The following XXYLT1 variants were observed in gnomAD, a reference collection of about 807,000 sequenced individuals.
XXYLT1 encodes UDP-xylose:alpha-xyloside alpha-1,3-xylosyltransferase.
A neutral mutation model predicts 28.9 loss-of-function variants in XXYLT1; 20 were observed. That is an observed-to-expected ratio of 0.69 (90% CI 0.49 to 1.00). The LOEUF (loss-of-function observed/expected upper bound fraction) is 1.00. XXYLT1 is among the 50% of genes least tolerant of loss of function. The pLI, the probability that XXYLT1 is intolerant of heterozygous loss-of-function variation, is 0.00. For synonymous variants in XXYLT1, 257 were observed against 253.8 expected (o/e 1.01, Z -0.12); for missense variants, 542 against 560.1 (o/e 0.97, Z 0.33).
chr3:195,257,450 C>T lies in XXYLT1; in HGVS notation c.504+13105G>A, dbSNP rs191875590. Among the ~76,000 whole-genome samples the T allele has an allele frequency of 1.9e-3, 296 of 152,302 alleles. 8 individuals are homozygous for T. Among genetic ancestry groups the T allele is most frequent in the Admixed American group, 0.017 (259 of 15,294 alleles). On this transcript the variant is annotated intron_variant, in intron 1 of 3. Coordinates refer to ENST00000310380, the MANE Select transcript of XXYLT1 (RefSeq NM_152531.5). The surrounding 1 kb of genome is among the most constrained non-coding windows in gnomAD (Gnocchi z 4.3). ...AGGTAGGTCCCCACATAACTGGCAC[C>T]GTCCGAGCTTCATCATGAAAGGCGA...
chr3:195,102,759 C>T (rs191608633), intron 3 of XXYLT1, among the ~76,000 whole-genome samples: 36 of 152,268 alleles, frequency 2.4e-4, no homozygotes, highest in Non-Finnish European at 2.9e-4. Context: ...CTGTGAATAA[C>T]GTTGCCGTGA....
intron 1 of XXYLT1, among the ~76,000 whole-genome samples, chr3:195,251,144 C>T (rs750467271): frequency 1.7e-4 from 26 of 152,226 alleles, no homozygotes; most frequent in Non-Finnish European, 2.8e-4. Context: ...AAGTCATCCT[C>T]GCACGAGGCC....
At chr3:195,235,968 G>C (rs181945919) in intron 1 of XXYLT1, among the ~76,000 whole-genome samples, 55 of 150,226 alleles carry the variant, frequency 3.7e-4, no homozygotes, top group African/African-American at 1.1e-3. Context: ...ATATACACCT[G>C]GCTGGGCTGC....
chr3:195,099,135 C>T (rs1016949717), intron 3 of XXYLT1, among the ~76,000 whole-genome samples: 2 of 152,222 alleles, frequency 1.3e-5, no homozygotes, highest in African/African-American at 4.8e-5. Context: ...ACAGACACCG[C>T]GTTCTCAAAC....
At chr3:195,162,854 G>A (rs1720938880) in intron 2 of XXYLT1, among the ~76,000 whole-genome samples, 1 of 152,166 alleles carries the variant, frequency 6.6e-6, no homozygotes, top group Non-Finnish European at 1.5e-5. Context: ...GATGGCTTAC[G>A]CACGGATTGA....
chr3:195,167,902 A>T (rs1263569636), intron 2 of XXYLT1, among the ~76,000 whole-genome samples: 1 of 152,054 alleles, frequency 6.6e-6, no homozygotes, highest in Non-Finnish European at 1.5e-5. Context: ...GGCAGCAATG[A>T]CCCGCTTAGA....
intron 3 of XXYLT1, among the ~76,000 whole-genome samples, chr3:195,109,292 T>C (rs1290186012): frequency 6.6e-6 from 1 of 152,130 alleles, no homozygotes; most frequent in East Asian, 1.9e-4. Flanking sequence ...AGGCACACTC[T>C]CGAGAAGGCG....
At chr3:195,178,980 C>T (rs934424573) in intron 2 of XXYLT1, among the ~76,000 whole-genome samples, 31 of 152,204 alleles carry the variant, frequency 2.0e-4, no homozygotes, top group African/African-American at 7.0e-4. Context: ...AGCTCCCTGT[C>T]CCTGGGCCTT....
At chr3:195,189,773 G>A (rs1424914449) in intron 2 of XXYLT1, among the ~76,000 whole-genome samples, 1 of 151,932 alleles carries the variant, frequency 6.6e-6, no homozygotes, top group African/African-American at 2.4e-5. Context: ...AGACAAAATA[G>A]GTGAAAAAAA....
chr3:195,134,861 GT>G (rs1719096836), intron 3 of XXYLT1, among the ~76,000 whole-genome samples: 1 of 111,274 alleles, frequency 9.0e-6, no homozygotes, highest in Non-Finnish European at 1.9e-5. Flanking sequence ...GTGTGTGTGT[GT>G]GTGTGTGCGT....
intron 2 of XXYLT1, among the ~76,000 whole-genome samples, chr3:195,161,634 ATTTT>A (rs35541699): frequency 2.2e-5 from 3 of 138,850 alleles, no homozygotes; most frequent in African/African-American, 5.4e-5. Flanking sequence ...AGATATATAG[ATTTT>A]TTTTTTTTTT....
intron 2 of XXYLT1, among the ~76,000 whole-genome samples, chr3:195,222,555 T>C (rs1293431747): frequency 1.3e-5 from 2 of 152,144 alleles, no homozygotes; most frequent in Non-Finnish European, 2.9e-5. Flanking sequence ...TAGGGAAGAA[T>C]CCTAATGAGA....
At position 195,191,833 on chromosome 3, in the gene XXYLT1, G is replaced by A. The variant is rs114755187; in HGVS notation, c.652+34876C>T. ...AGATTTAAGAATTACATATGCATAC[G>A]CACCTAAAAATAGACCTCCCAAATC... On this transcript the variant is annotated intron_variant, in intron 2 of 3. Coordinates refer to ENST00000310380, the MANE Select transcript of XXYLT1 (RefSeq NM_152531.5). Among the ~76,000 whole-genome samples, 481 of 152,230 alleles carry A rather than the reference G, an allele frequency of 3.2e-3. 3 individuals carry two copies. Among genetic ancestry groups the A allele is most frequent in the African/African-American group, 0.011 (444 of 41,538 alleles).
chr3:195,156,427 CCCCCCT>C lies in XXYLT1; in HGVS notation c.785+16_785+21del, dbSNP rs1245729398. On this transcript the variant is annotated intron_variant, in intron 3 of 3. Coordinates refer to ENST00000310380, the MANE Select transcript of XXYLT1 (RefSeq NM_152531.5). ...GGGTGGGGAGGGGTCGTGGAGGCGG[CCCCCCT>C]GCAGTCATGACGCACCTGTAAACTG... is the stretch of plus-strand genomic sequence containing the variant. 2.5e-6 allele frequency: 4 copies of C among 1,607,992 alleles called. No homozygotes were observed. Among genetic ancestry groups the C allele is most frequent in the Non-Finnish European group, 3.4e-6 (4 of 1,177,482 alleles).
intron 2 of XXYLT1, among the ~76,000 whole-genome samples, chr3:195,201,627 C>T (rs1722852755): frequency 6.6e-6 from 1 of 152,206 alleles, no homozygotes; most frequent in African/African-American, 2.4e-5. Context: ...AGTGGCTTTT[C>T]ACGCTTTTGG....
Position 195,193,638 on chromosome 3 carries a change from A to G in XXYLT1, c.652+33071T>C, listed in dbSNP as rs2108754856. On this transcript the variant is annotated intron_variant, in intron 2 of 3. Coordinates refer to ENST00000310380, the MANE Select transcript of XXYLT1 (RefSeq NM_152531.5). ...ATTCACACTACTTGATCTTAAAAAT[A>G]ACTACAAAGCCACAGAAATCCAGAC... Among the ~76,000 whole-genome samples, 2 of 152,340 alleles carry G rather than the reference A, an allele frequency of 1.3e-5. 1 individual carries two copies. The highest frequency in any genetic ancestry group is 1.3e-4 in the Admixed American group (2 of 15,308).
intron 2 of XXYLT1, among the ~76,000 whole-genome samples, chr3:195,174,871 C>T (rs77177498): frequency 0.08 from 12,196 of 152,012 alleles, 732 homozygotes; most frequent in East Asian, 0.27. Flanking sequence ...TCCTTGGCCT[C>T]CTGAGAAGCT....
At chr3:195,241,919 C>T (rs1316722386) in intron 1 of XXYLT1, among the ~76,000 whole-genome samples, 1 of 152,196 alleles carries the variant, frequency 6.6e-6, no homozygotes, top group African/African-American at 2.4e-5. Flanking sequence ...TAATACTTAT[C>T]ACCAGACATG....
rs1218152489 is a variant in XXYLT1 at position 195,256,025 on chromosome 3, A to G, written c.504+14530T>C. On this transcript the variant is annotated intron_variant, in intron 1 of 3. Transcript: ENST00000310380. The surrounding 1 kb of genome is among the most constrained non-coding windows in gnomAD (Gnocchi z 4.2). Reference sequence around the variant, plus strand: ...CTGTGCCACCCAGCTGACCAGGGGAAGAGGCCACCCAGCCAGCAGCAGGCA... The same window carrying G: ...CTGTGCCACCCAGCTGACCAGGGGAGGAGGCCACCCAGCCAGCAGCAGGCA... Among the ~76,000 whole-genome samples the G allele has an allele frequency of 6.6e-6, 1 of 152,172 alleles. No individual in the cohort carries two copies. The highest frequency in any genetic ancestry group is 1.5e-5 in the Non-Finnish European group (1 of 68,010).
Sources: allele counts gnomAD v4.1 joint callset (sites outside exome capture counted in the v4.1 genomes callset), GRCh38; gene constraint gnomAD v4.1.1; non-coding constraint Gnocchi (gnomAD v3.1); transcripts MANE v1.5; gene names NCBI Gene and HGNC (gene_info 2026-07-23, HGNC 2026-07-21).